ZNF532: variants seen among roughly 807,000 people sequenced by gnomAD.
ZNF532 encodes zinc finger protein 532.
A neutral mutation model predicts 89.3 loss-of-function variants in ZNF532; 22 were observed. The observed-to-expected ratio is 0.25, with a 90% CI of 0.18 to 0.35. ZNF532 has a LOEUF of 0.35. Ranked by LOEUF, ZNF532 falls within the 10% of genes least tolerant of loss-of-function variation. ZNF532 has a pLI of 1.00. For missense variants in ZNF532, 1,132 were observed against 1,643.4 expected (o/e 0.69, Z 5.38); for synonymous variants, 606 against 649.6 (o/e 0.93, Z 1.02).
chr18:58,936,264 G>T (rs539382951), intron 4 of ZNF532, among the ~76,000 whole-genome samples: 4 of 152,344 alleles, frequency 2.6e-5, no homozygotes, highest in African/African-American at 9.6e-5. Context: ...GATCTGCAAA[G>T]TCCATGCAGA....
Position 58,984,491 on chromosome 18 carries a change from C to A in ZNF532, c.*25C>A, listed in dbSNP as rs1232419344. On this transcript the variant is annotated 3_prime_UTR_variant, in exon 10 of 10. Transcript: ENST00000591808. Reference sequence around the variant, plus strand: ...GCCACAGATGCTCCATGAGGAAAATCCCTGTCCACATTGGAATAAAAAAGA... The same window carrying A: ...GCCACAGATGCTCCATGAGGAAAATACCTGTCCACATTGGAATAAAAAAGA... 1 of 1,595,460 alleles carries A rather than the reference C, an allele frequency of 6.3e-7. No individual in the cohort carries two copies. The highest frequency in any genetic ancestry group is 1.4e-5 in the African/African-American group (1 of 74,050).
At chr18:58,958,409 ACCAATT>A (rs2065017532) in intron 7 of ZNF532, among the ~76,000 whole-genome samples, 1 of 152,248 alleles carries the variant, frequency 6.6e-6, no homozygotes, top group Non-Finnish European at 1.5e-5. Flanking sequence ...TAAAAAACTT[ACCAATT>A]TCTCTTTTTA....
chr18:58,908,673 A>G (rs1248632416), intron 2 of ZNF532, among the ~76,000 whole-genome samples: 2 of 152,266 alleles, frequency 1.3e-5, no homozygotes, highest in Non-Finnish European at 2.9e-5. Context: ...ATTTGCAACA[A>G]TAAAAGTTTC....
intron 7 of ZNF532, among the ~76,000 whole-genome samples, chr18:58,959,260 G>GTTTTTTTTTTTTTTTT (rs1459830009): frequency 1.4e-4 from 18 of 128,698 alleles, no homozygotes; most frequent in African/African-American, 4.6e-4. Flanking sequence ...TTTGTTTTTT[G>GTTTTTTTTTTTTTTTT]TTTTTTTTTG....
intron 2 of ZNF532, among the ~76,000 whole-genome samples, chr18:58,898,890 C>T (rs2059415655): frequency 1.3e-5 from 2 of 152,226 alleles, no homozygotes; most frequent in South Asian, 4.1e-4. Flanking sequence ...TCCCAGAATT[C>T]CTCCTTGTTT....
intron 7 of ZNF532, chr18:58,977,513 G>A (rs980592170): frequency 6.6e-6 from 1 of 152,178 alleles, no homozygotes; most frequent in African/African-American, 2.4e-5. Flanking sequence ...GTTTGAACAA[G>A]GACATGTTTG....
intron 5 of ZNF532, among the ~76,000 whole-genome samples, chr18:58,947,049 T>C (rs537981689): frequency 2.6e-4 from 40 of 152,278 alleles, no homozygotes; most frequent in African/African-American, 8.9e-4. Flanking sequence ...TTTCTGACCC[T>C]CACATCCAGT....
intron 2 of ZNF532, among the ~76,000 whole-genome samples, chr18:58,909,897 A>T (rs997319655): frequency 5.9e-5 from 9 of 152,174 alleles, no homozygotes; most frequent in Admixed American, 5.2e-4. Flanking sequence ...GTATTATGTC[A>T]CATAGCCTGG....
intron 2 of ZNF532, among the ~76,000 whole-genome samples, chr18:58,883,104 G>A (rs1051439359): frequency 3.3e-5 from 5 of 152,168 alleles, no homozygotes; most frequent in African/African-American, 1.2e-4. Context: ...GGCCTTGTGA[G>A]GAAGACTCAG....
chr18:58,963,991 G>A (rs1222697542), intron 7 of ZNF532: 3 of 151,916 alleles, frequency 2.0e-5, no homozygotes, highest in Non-Finnish European at 2.9e-5. Flanking sequence ...TTCTGTCTTC[G>A]TGCTGTACTG....
chr18:58,904,577 GAA>G (rs2059807201), intron 2 of ZNF532, among the ~76,000 whole-genome samples: 1 of 152,062 alleles, frequency 6.6e-6, no homozygotes, highest in Admixed American at 6.6e-5. Flanking sequence ...GAGAGAGAGA[GAA>G]ATAATTTCTT....
At chr18:58,893,495 A>G (rs572106437) in intron 2 of ZNF532, among the ~76,000 whole-genome samples, 22 of 152,062 alleles carry the variant, frequency 1.4e-4, no homozygotes, top group African/African-American at 5.3e-4. Context: ...TGTCACTACA[A>G]AATACCAAAT....
chr18:58,904,994 A>G (rs1395614566), intron 2 of ZNF532, among the ~76,000 whole-genome samples: 1 of 151,866 alleles, frequency 6.6e-6, no homozygotes, highest in Non-Finnish European at 1.5e-5. Flanking sequence ...GGTGCGTGAC[A>G]CCATGGCCGG....
At chr18:58,871,270 A>T (rs999062021) in intron 2 of ZNF532, among the ~76,000 whole-genome samples, 1 of 152,106 alleles carries the variant, frequency 6.6e-6, no homozygotes, top group Non-Finnish European at 1.5e-5. Flanking sequence ...GGGTCCTGCT[A>T]TGTTGCCCAG....
At chr18:58,968,366 CT>C (rs1276118839) in intron 7 of ZNF532, among the ~76,000 whole-genome samples, 5 of 152,330 alleles carry the variant, frequency 3.3e-5, no homozygotes, top group South Asian at 2.1e-4. Flanking sequence ...CAAACAAGCA[CT>C]TTTCCTTCCA....
chr18:58,899,892 G>T (rs1026802207), intron 2 of ZNF532, among the ~76,000 whole-genome samples: 6 of 152,102 alleles, frequency 3.9e-5, no homozygotes, highest in Admixed American at 3.9e-4. Flanking sequence ...TGATTTCCTT[G>T]ACTCTGTTGT....
intron 2 of ZNF532, among the ~76,000 whole-genome samples, chr18:58,873,458 GT>G (rs1448649462): frequency 6.7e-6 from 1 of 149,370 alleles, no homozygotes; most frequent in Non-Finnish European, 1.5e-5. Context: ...TTTTTTTTTT[GT>G]TTTTTCTGGG....
At chr18:58,864,688 C>T (rs2056291558), upstream of ZNF532, 1 of 152,548 alleles carries the variant, frequency 6.6e-6, no homozygotes. Flanking sequence ...ATGACCTTCT[C>T]CTCCTCAGGA....
chr18:58,954,034 A>G (rs570787318), intron 7 of ZNF532: 1 of 985,402 alleles, frequency 1.0e-6, no homozygotes, highest in East Asian at 1.1e-4. Context: ...ACTGGTGTGC[A>G]TGAATGTGGT....
Sources: allele counts gnomAD v4.1 joint callset (sites outside exome capture counted in the v4.1 genomes callset), GRCh38; gene constraint gnomAD v4.1.1; transcripts MANE v1.5; gene names NCBI Gene and HGNC (gene_info 2026-07-23, HGNC 2026-07-21).